RAD54L2: variants seen among roughly 807,000 people sequenced by gnomAD.
RAD54L2 encodes the protein helicase ARIP4.
A neutral mutation model predicts 138.4 loss-of-function variants in RAD54L2; 27 were observed. That is an observed-to-expected ratio of 0.20 (90% CI 0.14 to 0.27). The LOEUF is 0.27. Ranked by LOEUF, RAD54L2 falls within the 10% of genes least tolerant of loss-of-function variation. The pLI is 1.00. For missense variants in RAD54L2, 1,396 were observed against 1,890.2 expected (o/e 0.74, Z 4.85); for synonymous variants, 644 against 723.2 (o/e 0.89, Z 1.76).
Position 51,663,001 on chromosome 3 carries a change from C to T in RAD54L2, c.3985C>T (p.Leu1329=). ...FMGSTPSYYQ[L]SNLLADARLV... is the part of the protein sequence containing the mutation. ...GGGCAGTACCCCCTCCTACTACCAGCTGTCCAATTTGCTGGCAGATGCCCG... is the reference window on the plus strand; with the variant it reads ...GGGCAGTACCCCCTCCTACTACCAGTTGTCCAATTTGCTGGCAGATGCCCG... The change falls in exon 23 of 23, where the codon CTG becomes TTG. Residue 1329 remains leucine (L), a synonymous_variant. Transcript: ENST00000684192. The T allele has an allele frequency of 6.2e-7, 1 of 1,614,020 alleles. No homozygotes were observed. Among genetic ancestry groups the T allele is most frequent in the African/African-American group, 1.3e-5 (1 of 75,040 alleles).
intron 2 of RAD54L2, among the ~76,000 whole-genome samples, chr3:51,579,636 C>T (rs1272930646): frequency 6.6e-6 from 1 of 152,062 alleles, no homozygotes; most frequent in Non-Finnish European, 1.5e-5. Context: ...TTTACGAACC[C>T]CGGTACCATT....
chr3:51,557,915 G>A (rs1699011455), intron 2 of RAD54L2, among the ~76,000 whole-genome samples: 1 of 149,360 alleles, frequency 6.7e-6, no homozygotes, highest in Non-Finnish European at 1.5e-5. Context: ...CACAATCTCT[G>A]CTCATTGCAA....
At chr3:51,541,289 T>A (rs1385951536) in intron 1 of RAD54L2, 1 of 152,220 alleles carries the variant, frequency 6.6e-6, no homozygotes, top group African/African-American at 2.4e-5. Context: ...TATAATGTAT[T>A]AATTTTGACT....
At chr3:51,575,567 C>A (rs148921801) in intron 2 of RAD54L2, among the ~76,000 whole-genome samples, 1 of 152,036 alleles carries the variant, frequency 6.6e-6, no homozygotes, top group African/African-American at 2.4e-5. Context: ...CCTTCACATC[C>A]CTTGTAAGTT....
chr3:51,579,876 C>T (rs1699568198), intron 2 of RAD54L2, among the ~76,000 whole-genome samples: 1 of 152,126 alleles, frequency 6.6e-6, no homozygotes, highest in Non-Finnish European at 1.5e-5. Context: ...TTGCATTTTG[C>T]AGATAGAAAC....
Position 51,633,751 on chromosome 3 carries a change from A to G in RAD54L2, c.1000A>G (p.Ile334Val), listed in dbSNP as rs1428844960. Residue 334 changes from isoleucine (I) to valine (V), a missense_variant, in exon 8 of 23, where the codon ATT (isoleucine) becomes GTT (valine). This residue lies in a region of RAD54L2 where 169 missense variants were observed against 235.6 expected (regional missense o/e 0.72). Transcript: ENST00000684192. ...RHTPAKTVLA[I>V]VPVNTLQNWL... ...CACGCCAGCCAAAACAGTCCTTGCC[A>G]TTGTGCCGGTAAGAGTTTTTGGGAA... The G allele has an allele frequency of 6.2e-7, 1 of 1,613,810 alleles. No homozygotes were observed. The highest frequency in any genetic ancestry group is 1.7e-5 in the Admixed American group (1 of 60,006).
At chr3:51,562,674 AT>A (rs950709873) in intron 2 of RAD54L2, among the ~76,000 whole-genome samples, 1 of 151,890 alleles carries the variant, frequency 6.6e-6, no homozygotes. Context: ...TGGCCAGCTA[AT>A]TTTTTTGTTT....
chr3:51,547,449 C>T (rs1179405628), intron 2 of RAD54L2, among the ~76,000 whole-genome samples: 1 of 151,434 alleles, frequency 6.6e-6, no homozygotes, highest in African/African-American at 2.4e-5. Context: ...AGTGGAGGCA[C>T]ATTGGAGGTA....
chr3:51,549,025 C>T (rs891989707), intron 2 of RAD54L2, among the ~76,000 whole-genome samples: 5 of 151,496 alleles, frequency 3.3e-5, no homozygotes, highest in Admixed American at 2.6e-4. Context: ...CACAGTCTTG[C>T]TCAGCTGCCC....
In RAD54L2 at chr3:51,629,343, C is replaced by T. The variant is rs1700777872; in HGVS notation, c.351C>T (p.Leu117=). ...SHMRRNIRKL[L]REDQLEPVTK... is the part of the protein sequence containing the mutation. ...TTATGTGAATGTTTAGAAAGCTACT[C>T]CGGGAGGATCAATTGGAGCCTGTTA... The change falls in exon 5 of 23, where the codon CTC becomes CTT. Residue 117 remains leucine, a synonymous_variant. Coordinates refer to ENST00000684192, the MANE Select transcript of RAD54L2 (RefSeq NM_015106.4). 6.3e-7 allele frequency: 1 copy of T among 1,588,304 alleles called. No individual in the cohort carries two copies.
At chr3:51,550,071 G>T (rs1020603669) in intron 2 of RAD54L2, among the ~76,000 whole-genome samples, 6 of 152,118 alleles carry the variant, frequency 3.9e-5, no homozygotes, top group Non-Finnish European at 8.8e-5. Flanking sequence ...TGCCCCTAGG[G>T]TGCCCATTCC....
chr3:51,600,260 A>G (rs895597827), intron 3 of RAD54L2, among the ~76,000 whole-genome samples: 2 of 152,118 alleles, frequency 1.3e-5, no homozygotes, highest in African/African-American at 4.8e-5. Context: ...CTTTTAATAT[A>G]GTACTCTTGT....
At chr3:51,610,275 A>T (rs1404669320) in intron 3 of RAD54L2, among the ~76,000 whole-genome samples, 1 of 152,150 alleles carries the variant, frequency 6.6e-6, no homozygotes, top group African/African-American at 2.4e-5. Flanking sequence ...ATTTGTTCTC[A>T]TTATTATTAC....
rs530422657 is a variant in RAD54L2 at position 51,660,513 on chromosome 3, G to A, written c.3409+395G>A. Among the ~76,000 whole-genome samples, 15 of 151,784 alleles carry A rather than the reference G, an allele frequency of 9.9e-5. No individual in the cohort carries two copies. In the South Asian group the frequency reaches 1.0e-3, roughly 11 times the overall value. Reference sequence around the variant, plus strand: ...TTTTTAGTAGAGACGGCTTTTCACCGTGTTAGCCAGGATGGTCTTGATCTC... The same window carrying A: ...TTTTTAGTAGAGACGGCTTTTCACCATGTTAGCCAGGATGGTCTTGATCTC... On this transcript the variant is annotated intron_variant, in intron 22 of 22. Coordinates refer to ENST00000684192, the MANE Select transcript of RAD54L2 (RefSeq NM_015106.4).
At chr3:51,591,395 AT>A (rs931586554) in intron 3 of RAD54L2, among the ~76,000 whole-genome samples, 21 of 152,278 alleles carry the variant, frequency 1.4e-4, no homozygotes, top group African/African-American at 5.1e-4. Flanking sequence ...AGATCATCTA[AT>A]TACTTGAATC....
chr3:51,539,067 T>TC (rs1222814297), intron 1 of RAD54L2, among the ~76,000 whole-genome samples, 152 bp downstream of exon 1: 1 of 151,242 alleles, frequency 6.6e-6, no homozygotes, highest in African/African-American at 2.4e-5. Flanking sequence ...GGGCACGGGG[T>TC]CCCCCACCCG....
chr3:51,592,054 G>GTTTT lies in RAD54L2; in HGVS notation c.139+1521_139+1524dup, dbSNP rs71084151. 8.8e-4 allele frequency among the ~76,000 whole-genome samples: 59 copies of GTTTT among 66,874 alleles called. 7 individuals carry two copies. In the East Asian group the frequency reaches 0.012, roughly 14 times the overall value. 43.9% of individuals were successfully genotyped at this position (66,874 alleles called of 152,430 possible). ...TGTAGCTGTGCAATTTGGTTTTGGTGTTTTTTTTTTTTTTTTTTTTTTTTT... is the reference window on the plus strand; with the variant it reads ...TGTAGCTGTGCAATTTGGTTTTGGTGTTTTTTTTTTTTTTTTTTTTTTTTTTTTT... On this transcript the variant is annotated intron_variant, in intron 3 of 22. Coordinates refer to ENST00000684192, the MANE Select transcript of RAD54L2 (RefSeq NM_015106.4).
intron 2 of RAD54L2, among the ~76,000 whole-genome samples, chr3:51,545,994 A>G (rs1268804561): frequency 7.3e-6 from 1 of 137,186 alleles, no homozygotes; most frequent in Non-Finnish European, 1.5e-5. Flanking sequence ...GCTGGAGTGC[A>G]ATGGCATGAT....
intron 2 of RAD54L2, among the ~76,000 whole-genome samples, chr3:51,571,446 C>A (rs1419990479): frequency 1.4e-5 from 2 of 146,056 alleles, no homozygotes; most frequent in Non-Finnish European, 3.0e-5. Context: ...GGCTGGTGTG[C>A]AGTGGTGCGA....
Sources: allele counts gnomAD v4.1 joint callset (sites outside exome capture counted in the v4.1 genomes callset), GRCh38; gene constraint gnomAD v4.1.1; regional missense constraint gnomAD v4.1.1; transcripts MANE v1.5; gene names NCBI Gene and HGNC (gene_info 2026-07-23, HGNC 2026-07-21).